The following DNMT3A variants were observed in gnomAD, a reference collection of about 807,000 sequenced individuals.
DNMT3A encodes DNA (cytosine-5)-methyltransferase 3A.
DNMT3A carries 267 observed loss-of-function variants against 117.6 expected under a neutral mutation model. That is an observed-to-expected ratio of 2.27 (90% CI 2.05 to 2.51). The LOEUF is 2.51. DNMT3A is among the 30% of genes most tolerant of loss of function. The pLI is 0.00. For missense variants in DNMT3A, 1,029 were observed against 1,260.2 expected, an observed-to-expected ratio of 0.82 and a Z score of 2.78; for synonymous variants, 432 against 474.8, an observed-to-expected ratio of 0.91 and a Z score of 1.17.
intron 4 of DNMT3A, among the ~76,000 whole-genome samples, chr2:25,279,686 T>G (rs1175373379): frequency 1.3e-5 from 2 of 151,938 alleles, no homozygotes; most frequent in African/African-American, 2.4e-5. Context: ...AAGTTTGTTT[T>G]TTTTTTTTGT....
Position 25,247,184 on chromosome 2 carries a change from T to C in DNMT3A, c.1015-26A>G. On this transcript the variant is annotated intron_variant, in intron 8 of 22. Transcript: ENST00000321117. The surrounding 1 kb of genome is among the most constrained non-coding windows in gnomAD (Gnocchi z 5.6). ...CTGGGGGGACAAGCCAGGCCTTGTT[T>C]GCCGAGGCTTACACTTGCAAGCACC... 1 of 1,609,648 alleles carries C rather than the reference T, an allele frequency of 6.2e-7. No homozygotes were observed. Among genetic ancestry groups the C allele is most frequent in the East Asian group, 2.2e-5 (1 of 44,674 alleles).
chr2:25,264,444 GT>G lies in DNMT3A; in HGVS notation c.639+10496del, dbSNP rs557389980. Among the ~76,000 whole-genome samples, 50 of 143,314 alleles carry G rather than the reference GT, an allele frequency of 3.5e-4. No homozygotes were observed. In the South Asian group the frequency reaches 3.6e-3, roughly 10 times the overall value. 94.0% of individuals were successfully genotyped at this position (143,314 alleles called of 152,430 possible). A position where few individuals can be genotyped will look rare whatever the true frequency, so the allele number is the denominator to read the frequency against. On this transcript the variant is annotated intron_variant, in intron 6 of 22. Coordinates refer to ENST00000321117, the MANE Select transcript of DNMT3A (RefSeq NM_022552.5). ...CGTGAGCCACTGTGCTGGGCCAAAG[GT>G]TTTTTTTTTAAAAAGAGTTTTTTGT...
chr2:25,275,949 G>A (rs2031376222), intron 4 of DNMT3A, among the ~76,000 whole-genome samples: 4 of 152,160 alleles, frequency 2.6e-5, no homozygotes, highest in Admixed American at 2.0e-4. Flanking sequence ...AAGGAGGAGG[G>A]GGTGCAGGAA....
Position 25,232,693 on chromosome 2 carries a change from C to G in DNMT3A, c.*1586G>C, listed in dbSNP as rs959842773. 2 of 167,012 alleles carry G rather than the reference C, an allele frequency of 1.2e-5. No individual in the cohort carries two copies. Among genetic ancestry groups the G allele is most frequent in the African/African-American group, 4.8e-5 (2 of 41,898 alleles). The allele number at this position is 167,012 out of a possible 1,614,324, so 10.3% of individuals were successfully genotyped here. A position where few individuals can be genotyped will look rare whatever the true frequency, so the allele number is the denominator to read the frequency against. ...CAGGGCACCAGAGCCACCGCTAACT[C>G]AGAAGCACCCTGCTCCCGCACCTTG... On this transcript the variant is annotated 3_prime_UTR_variant, in exon 23 of 23. Transcript: ENST00000321117. The surrounding 1 kb of genome is among the most constrained non-coding windows in gnomAD (Gnocchi z 4.1).
chr2:25,339,615 G>A lies in DNMT3A; in HGVS notation c.-178+2211C>T, dbSNP rs915317735. Among the ~76,000 whole-genome samples, 5 of 152,192 alleles carry A rather than the reference G, an allele frequency of 3.3e-5. No homozygotes were observed. The highest frequency in any genetic ancestry group is 5.9e-5 in the Non-Finnish European group (4 of 68,028). ...ACACACAGACTCCCACCTTGACAGAGCCACCTGTCACAGCCCAAGCAGGGC... is the reference window on the plus strand; with the variant it reads ...ACACACAGACTCCCACCTTGACAGAACCACCTGTCACAGCCCAAGCAGGGC... On this transcript the variant is annotated intron_variant, in intron 1 of 22. Coordinates refer to ENST00000321117, the MANE Select transcript of DNMT3A (RefSeq NM_022552.5). The surrounding 1 kb of genome is among the most constrained non-coding windows in gnomAD (Gnocchi z 4.9).
At chr2:25,292,090 A>G (rs1224167995) in intron 3 of DNMT3A, among the ~76,000 whole-genome samples, 1 of 152,132 alleles carries the variant, frequency 6.6e-6, no homozygotes. Context: ...CCCCATCTCT[A>G]CTAAAAATAC....
Position 25,282,449 on chromosome 2 carries a change from G to T in DNMT3A, c.440C>A (p.Ala147Glu), listed in dbSNP as rs1210750462. Residue 147 changes from alanine (A) to glutamate (E), a missense_variant, in exon 4 of 23, where the codon GCA (alanine) becomes GAA (glutamate). Physicochemically the swap from Ala to Glu is moderately radical, Grantham distance 107 (BLOSUM62 -1). Transcript: ENST00000321117. The surrounding 1 kb of genome is among the most constrained non-coding windows in gnomAD (Gnocchi z 5.2). Reference sequence around the variant, plus strand: ...TGGTGCTGAGGACTCACCCGCTTCTGCAGGGGCTCCTCGGCCCTCCTTGGG... The same window carrying T: ...TGGTGCTGAGGACTCACCCGCTTCTTCAGGGGCTCCTCGGCCCTCCTTGGG... ...CTPKEGRGAPAEAGKEQKETN... is the reference protein window; with the variant it reads ...CTPKEGRGAPEEAGKEQKETN... 1 of 1,612,488 alleles carries T rather than the reference G, an allele frequency of 6.2e-7. No homozygotes were observed. The highest frequency in any genetic ancestry group is 8.5e-7 in the Non-Finnish European group (1 of 1,179,760).
In DNMT3A at chr2:25,236,833, T is replaced by C. The variant is rs1021623151; in HGVS notation, c.2478+103A>G. 9 of 1,236,428 alleles carry C rather than the reference T, an allele frequency of 7.3e-6. No individual in the cohort carries two copies. In the East Asian group the frequency reaches 7.5e-5, roughly 10 times the overall value. The allele number at this position is 1,236,428 out of a possible 1,614,324, so 76.6% of individuals were successfully genotyped here. A position where few individuals can be genotyped will look rare whatever the true frequency, so the allele number is the denominator to read the frequency against. On this transcript the variant is annotated intron_variant, in intron 21 of 22. Coordinates refer to ENST00000321117, the MANE Select transcript of DNMT3A (RefSeq NM_022552.5). This position sits in a 1 kb window ranked among gnomAD's most constrained non-coding sequence, Gnocchi z 4.5. ...GTCTCCTAAATTGCATTCTCCACAC[T>C]AGCTGGAGAAGCAGGCGGGACAAGG...
chr2:25,248,326 C>A, intron 6 of DNMT3A, 74 bp from the exon 7 acceptor site: 1 of 1,509,958 alleles, frequency 6.6e-7, no homozygotes, highest in Middle Eastern at 1.8e-4. Context: ...CTCAAGGGGA[C>A]CATGTTTGTC....
chr2:25,329,104 A>G (rs1215666632), intron 1 of DNMT3A, among the ~76,000 whole-genome samples: 2 of 152,142 alleles, frequency 1.3e-5, no homozygotes, highest in Non-Finnish European at 2.9e-5. Context: ...CGCTGCTCTC[A>G]GATTTCCCAC....
intron 6 of DNMT3A, among the ~76,000 whole-genome samples, chr2:25,265,818 C>CAA (rs35556148): frequency 0.069 from 8,639 of 125,318 alleles, 272 homozygotes; most frequent in Non-Finnish European, 0.073. Flanking sequence ...GACTCCATCT[C>CAA]AAAAAAAAAA....
rs1266037801 is a variant in DNMT3A, at chr2:25,228,502, ATAAG to A, written c.*5773_*5776del. On this transcript the variant is annotated 3_prime_UTR_variant, in exon 23 of 23. Transcript: ENST00000321117. ...AGTATGAATACATGATTTCCCACAA[ATAAG>A]TAAGCACCCGCTACTTCAATGCCTC... 6.6e-6 allele frequency: 1 copy of A among 152,060 alleles called. No individual in the cohort carries two copies. The highest frequency in any genetic ancestry group is 2.4e-5 in the African/African-American group (1 of 41,386). 9.4% of individuals were successfully genotyped at this position (152,060 alleles called of 1,614,324 possible).
At position 25,293,681 on chromosome 2, in the gene DNMT3A, TA is replaced by T. The variant is rs1219207530; in HGVS notation, c.177+6457del. 6.6e-6 allele frequency among the ~76,000 whole-genome samples: 1 copy of T among 151,964 alleles called. No homozygotes were observed. The highest frequency in any genetic ancestry group is 1.5e-5 in the Non-Finnish European group (1 of 67,990). On this transcript the variant is annotated intron_variant, in intron 3 of 22. Transcript: ENST00000321117. The surrounding 1 kb of genome is among the most constrained non-coding windows in gnomAD (Gnocchi z 4.7). ...TTTATTATATATATATATAAAAATT[TA>T]TTTTTTTGAGACAGAGTCTCCCTCT...
At chr2:25,249,345 G>A (rs1046138261) in intron 6 of DNMT3A, among the ~76,000 whole-genome samples, 2 of 152,188 alleles carry the variant, frequency 1.3e-5, no homozygotes, top group Non-Finnish European at 1.5e-5. Context: ...TGCTGACGAA[G>A]AAATCACTGC....
intron 3 of DNMT3A, among the ~76,000 whole-genome samples, chr2:25,297,505 T>C (rs1003089543): frequency 6.7e-5 from 10 of 149,434 alleles, no homozygotes; most frequent in African/African-American, 2.0e-4. Flanking sequence ...CAGCTCTGCA[T>C]TGTTTTTTTT....
Position 25,228,655 on chromosome 2 carries a change from ACAGT to A in DNMT3A, c.*5620_*5623del, listed in dbSNP as rs926317944. 6 of 152,234 alleles carry A rather than the reference ACAGT, an allele frequency of 3.9e-5. No homozygotes were observed. The highest frequency in any genetic ancestry group is 1.2e-4 in the African/African-American group (5 of 41,460). 9.4% of individuals were successfully genotyped at this position (152,234 alleles called of 1,614,324 possible). A position where few individuals can be genotyped will look rare whatever the true frequency, so the allele number is the denominator to read the frequency against. The stretch of plus-strand genomic sequence containing the variant: ...ACTCCACTACAAGAAAACAAAACAA[ACAGT>A]CATTGTCCAGACAGCAGACTTAATT... On this transcript the variant is annotated 3_prime_UTR_variant, in exon 23 of 23. Coordinates refer to ENST00000321117, the MANE Select transcript of DNMT3A (RefSeq NM_022552.5).
At chr2:25,278,920 A>C (rs2031675315) in intron 4 of DNMT3A, among the ~76,000 whole-genome samples, 1 of 152,224 alleles carries the variant, frequency 6.6e-6, no homozygotes, top group Non-Finnish European at 1.5e-5. Context: ...GGGAAGCATG[A>C]GGCCCTCTTT....
At chr2:25,269,316 G>A (rs1362052072) in intron 6 of DNMT3A, among the ~76,000 whole-genome samples, 1 of 152,206 alleles carries the variant, frequency 6.6e-6, no homozygotes, top group East Asian at 1.9e-4. Context: ...GAGACAGAGT[G>A]AAACTGTCTC....
intron 1 of DNMT3A, 42 bp downstream of exon 1, chr2:25,341,784 T>G (rs1390786125): frequency 1.0e-6 from 1 of 958,608 alleles, no homozygotes; most frequent in Non-Finnish European, 1.2e-6. Context: ...CCCCGCCGCC[T>G]CCGGGCCGGC....
Sources: allele counts gnomAD v4.1 joint callset (sites outside exome capture counted in the v4.1 genomes callset), GRCh38; gene constraint gnomAD v4.1.1; non-coding constraint Gnocchi (gnomAD v3.1); transcripts MANE v1.5; gene names NCBI Gene and HGNC (gene_info 2026-07-23, HGNC 2026-07-21).